NOL8: variants seen among roughly 807,000 people sequenced by gnomAD.
NOL8 encodes the protein nucleolar protein 8, also known as nucleolar protein Nop132.
NOL8 carries 93 observed loss-of-function variants against 116.1 expected under a neutral mutation model. The observed-to-expected ratio is 0.80, with a 90% CI of 0.68 to 0.95. The LOEUF is 0.95. Among genes scored for constraint, NOL8 ranks in the 40% least tolerant of loss-of-function variants. NOL8 has a pLI of 0.00. For missense variants in NOL8, 1,291 were observed against 1,382.8 expected (o/e 0.93, Z 1.05); for synonymous variants, 419 against 469.0 (o/e 0.89, Z 1.38).
chr9:92,300,154 C>CA lies in NOL8; in HGVS notation c.3176-139dup, dbSNP rs1476283211. On this transcript the variant is annotated intron_variant, in intron 13 of 16. Transcript: ENST00000442668. ...GTTAATCATTAATTTAAAATAGTAT[C>CA]AAAAAAATAGGTAGTATCATCTTTT... 6.6e-6 allele frequency: 9 copies of CA among 1,356,552 alleles called. No homozygotes were observed. In the East Asian group the frequency reaches 8.2e-5, roughly 12 times the overall value. 84.0% of individuals were successfully genotyped at this position (1,356,552 alleles called of 1,614,324 possible). A position where few individuals can be genotyped will look rare whatever the true frequency, so the allele number is the denominator to read the frequency against.
rs574162433 is a variant in NOL8, at chr9:92,300,187, T to C, written c.3176-171A>G. ...TAGGTAGTATCATCTTTTTAGATTTTTCAAATATTTTCAGAAGCCACTATC... is the reference window on the plus strand; with the variant it reads ...TAGGTAGTATCATCTTTTTAGATTTCTCAAATATTTTCAGAAGCCACTATC... On this transcript the variant is annotated intron_variant, in intron 13 of 16. Transcript: ENST00000442668. 38 of 1,266,612 alleles carry C rather than the reference T, an allele frequency of 3.0e-5. No individual in the cohort carries two copies. In the Admixed American group the frequency reaches 1.3e-3, roughly 44 times the overall value. The allele number at this position is 1,266,612 out of a possible 1,614,324, so 78.5% of individuals were successfully genotyped here.
rs550819316 is a variant in NOL8, at chr9:92,324,204, A to G, written c.-43T>C. ...TTGGGTGTGTTTCAGTGGGAAAAGT[A>G]ATTTTCTGTATACAGAGAAGAGTTC... is the stretch of plus-strand genomic sequence containing the variant. On this transcript the variant is annotated 5_prime_UTR_variant, in exon 2 of 17. Coordinates refer to ENST00000442668, the MANE Select transcript of NOL8 (RefSeq NM_017948.6). The G allele has an allele frequency of 3.3e-5, 53 of 1,590,836 alleles. No individual in the cohort carries two copies. The South Asian group carries it at 4.8e-4, about 15-fold the overall frequency.
intron 14 of NOL8, 40 bp downstream of exon 14, chr9:92,299,850 C>A: frequency 6.3e-7 from 1 of 1,592,664 alleles, no homozygotes; most frequent in South Asian, 1.1e-5. Context: ...TCAGATTTTA[C>A]AAATTATGAA....
chr9:92,301,891 AAAG>A (rs1381487089), intron 12 of NOL8, 69 bp from the exon 13 acceptor site: 53 of 1,374,210 alleles, frequency 3.9e-5, no homozygotes, highest in South Asian at 1.7e-4. Flanking sequence ...GAAATCAAGA[AAAG>A]AAAAAATCTT....
intron 10 of NOL8, among the ~76,000 whole-genome samples, chr9:92,309,548 A>G (rs1838576095): frequency 6.6e-6 from 1 of 152,228 alleles, no homozygotes; most frequent in African/African-American, 2.4e-5. Flanking sequence ...AGAGGGAATT[A>G]GGGAGCTCAT....
intron 9 of NOL8, 142 bp downstream of exon 9, chr9:92,310,411 G>A (rs1587971891): frequency 8.5e-7 from 1 of 1,171,486 alleles, no homozygotes; most frequent in Non-Finnish European, 1.2e-6. Context: ...CAATCAGAGA[G>A]GATCACAGAA....
intron 12 of NOL8, among the ~76,000 whole-genome samples, chr9:92,303,708 G>A (rs1174024539): frequency 1.3e-5 from 2 of 152,218 alleles, no homozygotes; most frequent in African/African-American, 4.8e-5. Flanking sequence ...GGGAGGCTGA[G>A]GTGGGAGGAC....
At chr9:92,302,480 G>A (rs6479418) in intron 12 of NOL8, among the ~76,000 whole-genome samples, 60,432 of 151,984 alleles carry the variant, frequency 0.4, 13,998 homozygotes, top group African/African-American at 0.64. Flanking sequence ...AAGTGAACAG[G>A]ATATCCTAAA....
chr9:92,300,801 G>C, intron 13 of NOL8: 1 of 1,091,192 alleles, frequency 9.2e-7, no homozygotes, highest in Non-Finnish European at 1.1e-6. Context: ...CTGGGTGACA[G>C]AGACTCTGTC....
chr9:92,324,015 T>C lies in NOL8; in HGVS notation c.139+8A>G. ...CCTATAACTGCCCAGTGAAGGACCA[T>C]AAATTACCTTGGTCATCTTTCCGTG... On this transcript the variant is annotated splice_region_variant and intron_variant, in intron 2 of 16. Transcript: ENST00000442668. The C allele has an allele frequency of 1.2e-6, 2 of 1,613,758 alleles. No homozygotes were observed. Among genetic ancestry groups the C allele is most frequent in the African/African-American group, 2.7e-5 (2 of 75,062 alleles).
At chr9:92,325,212 C>T (rs1418231737) in intron 1 of NOL8, 94 bp downstream of exon 1, 1 of 152,264 alleles carries the variant, frequency 6.6e-6, no homozygotes, top group African/African-American at 2.4e-5. Context: ...CCAGCCTACC[C>T]ACGGCAGCCT....
Position 92,301,614 on chromosome 9 carries a change from C to T in NOL8, c.3112G>A (p.Ala1038Thr), listed in dbSNP as rs772631824. Reference sequence around the variant, plus strand: ...AACGTGAACCCGCTGGGCTGCTCAGCGTCACTGGTCAGAGCTGCAGGGTCC... The same window carrying T: ...AACGTGAACCCGCTGGGCTGCTCAGTGTCACTGGTCAGAGCTGCAGGGTCC... ...IQDPAALTSDAEQPSGFTFSF... is the reference protein window; with the variant it reads ...IQDPAALTSDTEQPSGFTFSF... The change falls in exon 13 of 17, where the codon GCT becomes ACT. Residue 1038 changes from alanine (A) to threonine (T), a missense_variant. Ala to Thr is a moderately conservative substitution (Grantham distance 58). Coordinates refer to ENST00000442668, the MANE Select transcript of NOL8 (RefSeq NM_017948.6). The T allele has an allele frequency of 5.6e-6, 9 of 1,608,120 alleles. No individual in the cohort carries two copies. The highest frequency in any genetic ancestry group is 4.5e-5 in the East Asian group (2 of 44,782).
chr9:92,314,464 T>C lies in NOL8; in HGVS notation c.2161A>G (p.Lys721Glu). ...RSDSSGLTSL[K>E]KSPKVSSKDT... The stretch of plus-strand genomic sequence containing the variant: ...TTGGATGAGACCTTTGGTGATTTCT[T>C]GAGAGATGTGAGGCCGCTTGAATCA... The change falls in exon 7 of 17, where the codon AAG becomes GAG. Residue 721 changes from lysine (K) to glutamate (E), a missense_variant. Transcript: ENST00000442668. 1 of 1,612,732 alleles carries C rather than the reference T, an allele frequency of 6.2e-7. No individual in the cohort carries two copies. The highest frequency in any genetic ancestry group is 8.5e-7 in the Non-Finnish European group (1 of 1,178,862).
Position 92,314,356 on chromosome 9 carries a change from C to G in NOL8, c.2269G>C (p.Asp757His). ...DVSAKDKHAE[D>H]NEKRLAALEA... ...AAGGCTGCCAAACGCTTCTCATTGT[C>G]TTCAGCATGCTTATCTTTAGCACTC... The change falls in exon 7 of 17, where the codon GAC becomes CAC. Residue 757 changes from aspartate to histidine, a missense_variant. Transcript: ENST00000442668. 1 of 1,613,110 alleles carries G rather than the reference C, an allele frequency of 6.2e-7. No homozygotes were observed. The highest frequency in any genetic ancestry group is 2.2e-5 in the East Asian group (1 of 44,860).
At chr9:92,323,604 C>A in intron 2 of NOL8, 101 bp from the exon 3 acceptor site, 1 of 893,408 alleles carries the variant, frequency 1.1e-6, no homozygotes. Context: ...AAAAATAGCT[C>A]TTGAAAACTT....
At chr9:92,316,968 G>GT (rs1044822897) in intron 6 of NOL8, among the ~76,000 whole-genome samples, 1 of 151,822 alleles carries the variant, frequency 6.6e-6, no homozygotes, top group African/African-American at 2.4e-5. Flanking sequence ...ACTCTTTTTT[G>GT]TTTTGAGACA....
intron 4 of NOL8, chr9:92,320,052 A>T: frequency 2.2e-6 from 1 of 455,986 alleles, no homozygotes; most frequent in South Asian, 1.5e-5. Context: ...TTGGCATTTT[A>T]TATTATCTTC....
intron 6 of NOL8, among the ~76,000 whole-genome samples, chr9:92,317,910 C>T (rs913501321): frequency 6.6e-6 from 1 of 151,534 alleles, no homozygotes; most frequent in Non-Finnish European, 1.5e-5. Flanking sequence ...TGGCACACAC[C>T]TGTAGTCCCA....
intron 7 of NOL8, among the ~76,000 whole-genome samples, chr9:92,311,899 CAT>C (rs775081548): frequency 1.5e-4 from 23 of 152,270 alleles, no homozygotes; most frequent in African/African-American, 3.1e-4. Flanking sequence ...CACATGCACA[CAT>C]ATGTTTATTG....
Sources: gnomAD v4.1 joint callset for allele counts (sites outside exome capture counted in the v4.1 genomes callset) on GRCh38, gnomAD v4.1.1 for gene constraint, MANE v1.5 for transcripts, NCBI Gene and HGNC (gene_info 2026-07-23, HGNC 2026-07-21) for gene names.